The following ATXN1 variants were observed in gnomAD, a reference collection of about 807,000 sequenced individuals.
The protein encoded by ATXN1 is ataxin 1.
ATXN1 carries 8 observed loss-of-function variants against 56.4 expected under a neutral mutation model. The observed-to-expected ratio is 0.14, with a 90% CI of 0.08 to 0.26. The LOEUF (loss-of-function observed/expected upper bound fraction) is 0.26. ATXN1 is among the 10% of genes least tolerant of loss of function. The pLI is 1.00. For synonymous variants in ATXN1, 514 were observed against 494.6 expected (o/e 1.04, Z -0.52); for missense variants, 987 against 1,106.5 (o/e 0.89, Z 1.53).
intron 6 of ATXN1, among the ~76,000 whole-genome samples, chr6:16,409,044 C>G (rs1758744600): frequency 6.6e-6 from 1 of 152,100 alleles, no homozygotes; most frequent in Non-Finnish European, 1.5e-5. Flanking sequence ...GTGCAATGAG[C>G]CTCATTCTTC....
At chr6:16,439,624 C>G (rs1025029191) in intron 6 of ATXN1, among the ~76,000 whole-genome samples, 6 of 151,910 alleles carry the variant, frequency 3.9e-5, no homozygotes, top group African/African-American at 1.5e-4. Flanking sequence ...AAAAATTGAG[C>G]TTGTTTTGTT....
intron 3 of ATXN1, among the ~76,000 whole-genome samples, chr6:16,635,255 C>T (rs1176291709): frequency 2.0e-5 from 3 of 152,176 alleles, no homozygotes; most frequent in Non-Finnish European, 4.4e-5. Context: ...CGTTTTGTTG[C>T]AGGAAAACAA....
At chr6:16,446,746 T>G (rs1297113901) in intron 6 of ATXN1, among the ~76,000 whole-genome samples, 1 of 152,228 alleles carries the variant, frequency 6.6e-6, no homozygotes, top group East Asian at 1.9e-4. Flanking sequence ...TATATCCTGT[T>G]GGTGTCATCT....
At chr6:16,509,754 G>A (rs1295039652) in intron 5 of ATXN1, among the ~76,000 whole-genome samples, 3 of 151,984 alleles carry the variant, frequency 2.0e-5, no homozygotes, top group Non-Finnish European at 2.9e-5. Context: ...AAAATCTCTT[G>A]TTGCTGGTTC....
chr6:16,347,520 G>T (rs1231978888), intron 6 of ATXN1, among the ~76,000 whole-genome samples: 1 of 136,806 alleles, frequency 7.3e-6, no homozygotes, highest in East Asian at 2.1e-4. Flanking sequence ...TACACCAATC[G>T]GCACTCTGTA....
chr6:16,428,795 C>T lies in ATXN1; in HGVS notation c.-161+57177G>A, dbSNP rs139535192. On this transcript the variant is annotated intron_variant, in intron 6 of 7. Coordinates refer to ENST00000436367, the MANE Select transcript of ATXN1 (RefSeq NM_001128164.2). ...AACTCACTACACATCACCAGACCGA[C>T]GTGATGCTTTCTCCTAACCATAAAT... Among the ~76,000 whole-genome samples the T allele has an allele frequency of 1.9e-3, 291 of 152,210 alleles. 1 individual carries two copies. The highest frequency in any genetic ancestry group is 6.6e-3 in the African/African-American group (273 of 41,520).
At chr6:16,330,830 T>C (rs1158861977) in intron 6 of ATXN1, among the ~76,000 whole-genome samples, 1 of 152,176 alleles carries the variant, frequency 6.6e-6, no homozygotes, top group Non-Finnish European at 1.5e-5. Flanking sequence ...GTTTAGAAAT[T>C]TGGTGTCTCG....
In ATXN1 at chr6:16,760,629, C is replaced by T. The variant is rs528326320; in HGVS notation, c.-730+669G>A. 6.6e-6 allele frequency among the ~76,000 whole-genome samples: 1 copy of T among 151,132 alleles called. No homozygotes were observed. The highest frequency in any genetic ancestry group is 1.5e-5 in the Non-Finnish European group (1 of 67,670). ...CCCGGCTGCAGGAGCAGTCCCTTCC[C>T]CGCCCGCAGCCGCACACCCGGCGAG... On this transcript the variant is annotated intron_variant, in intron 1 of 7. Coordinates refer to ENST00000436367, the MANE Select transcript of ATXN1 (RefSeq NM_001128164.2). The surrounding 1 kb of genome is among the most constrained non-coding windows in gnomAD (Gnocchi z 5.3).
At chr6:16,546,398 A>G (rs966979383) in intron 4 of ATXN1, among the ~76,000 whole-genome samples, 1 of 152,198 alleles carries the variant, frequency 6.6e-6, no homozygotes, top group African/African-American at 2.4e-5. Flanking sequence ...GCAGGGCTGG[A>G]GCCCAGTCTT....
At chr6:16,442,232 C>G (rs1650838461) in intron 6 of ATXN1, among the ~76,000 whole-genome samples, 1 of 152,104 alleles carries the variant, frequency 6.6e-6, no homozygotes, top group Admixed American at 6.5e-5. Flanking sequence ...AATGATCTTC[C>G]AGCCAACAAC....
chr6:16,453,346 A>T (rs1759791930), intron 6 of ATXN1, among the ~76,000 whole-genome samples: 2 of 152,280 alleles, frequency 1.3e-5, no homozygotes, highest in Admixed American at 1.3e-4. Context: ...CTGTAGTCCC[A>T]GCTACTCAGG....
intron 3 of ATXN1, among the ~76,000 whole-genome samples, chr6:16,608,217 G>GTCTGCCTATCCAGCTCTC (rs1276687485): frequency 3.9e-5 from 6 of 152,174 alleles, no homozygotes; most frequent in African/African-American, 1.4e-4. Flanking sequence ...CTCTACATCT[G>GTCTGCCTATCCAGCTCTC]TCTGCCTATC....
chr6:16,330,210 G>T (rs1230860310), intron 6 of ATXN1, among the ~76,000 whole-genome samples: 2 of 151,908 alleles, frequency 1.3e-5, no homozygotes, highest in Non-Finnish European at 2.9e-5. Flanking sequence ...GCCACTGTGT[G>T]TAGCCAATGA....
chr6:16,449,748 C>T (rs191608274), intron 6 of ATXN1, among the ~76,000 whole-genome samples: 2 of 152,274 alleles, frequency 1.3e-5, no homozygotes, highest in East Asian at 1.9e-4. Flanking sequence ...GAAAACATAT[C>T]CTGAGCTTGC....
chr6:16,741,125 T>C (rs573152149), intron 2 of ATXN1, among the ~76,000 whole-genome samples: 3 of 152,346 alleles, frequency 2.0e-5, no homozygotes, highest in African/African-American at 7.2e-5. Flanking sequence ...TGGAATCTAG[T>C]AAATCAGTCA....
At chr6:16,620,262 AACACACACACACACACAC>A (rs60586256) in intron 3 of ATXN1, among the ~76,000 whole-genome samples, 1 of 137,410 alleles carries the variant, frequency 7.3e-6, no homozygotes, top group Non-Finnish European at 1.6e-5. Flanking sequence ...CTGTCTCTCA[AACACACACACACACACAC>A]ACACACACAC....
intron 2 of ATXN1, among the ~76,000 whole-genome samples, chr6:16,698,566 AGAAACTGTTCTT>A (rs1441047154): frequency 6.6e-6 from 1 of 152,074 alleles, no homozygotes; most frequent in African/African-American, 2.4e-5. Context: ...AAGTTAACAG[AGAAACTGTTCTT>A]GAAGTATGAG....
intron 7 of ATXN1, among the ~76,000 whole-genome samples, chr6:16,323,605 C>G (rs1760734565): frequency 1.3e-5 from 2 of 151,092 alleles, no homozygotes; most frequent in African/African-American, 4.9e-5. Flanking sequence ...AAGTGTGGCC[C>G]ACAGCTGAAG....
chr6:16,331,004 A>T (rs1186142273), intron 6 of ATXN1, among the ~76,000 whole-genome samples: 3 of 152,014 alleles, frequency 2.0e-5, no homozygotes, highest in Non-Finnish European at 2.9e-5. Flanking sequence ...CTCGCAACCC[A>T]GGTGTTTTTT....
Sources: allele counts gnomAD v4.1 joint callset (sites outside exome capture counted in the v4.1 genomes callset), GRCh38; gene constraint gnomAD v4.1.1; non-coding constraint Gnocchi (gnomAD v3.1); transcripts MANE v1.5; gene names NCBI Gene and HGNC (gene_info 2026-07-23, HGNC 2026-07-21).